Variants in STAP1 observed in about 807,000 individuals in gnomAD.
The protein encoded by STAP1 is signal transducing adaptor family member 1.
A neutral mutation model predicts 37.8 loss-of-function variants in STAP1; 30 were observed. The observed-to-expected ratio is 0.79, with a 90% CI of 0.59 to 1.08. The LOEUF (loss-of-function observed/expected upper bound fraction) is 1.08, where lower values mean the gene tolerates loss of function less well. Among genes scored for constraint, STAP1 ranks in the 50% least tolerant of loss-of-function variants. The pLI is 0.00. For synonymous variants in STAP1, 130 were observed against 116.0 expected (o/e 1.12, Z -0.78); for missense variants, 357 against 349.4 (o/e 1.02, Z -0.17).
chr4:67,559,489 T>C (rs978279729), intron 1 of STAP1, among the ~76,000 whole-genome samples: 8 of 152,116 alleles, frequency 5.3e-5, no homozygotes, highest in Non-Finnish European at 1.2e-4. Flanking sequence ...TTTTAATTTT[T>C]GGGGTACTAC....
rs993376690 is a variant in STAP1, at chr4:67,577,318, C to A, written c.363+59C>A. ...TTTTTTTCAACAAATATCTGCTGAA[C>A]ACCCTATGATCCATGCAGAGTGAAA... is the stretch of plus-strand genomic sequence containing the variant. On this transcript the variant is annotated intron_variant, in intron 4 of 8. Transcript: ENST00000265404. 11 of 1,475,680 alleles carry A rather than the reference C, an allele frequency of 7.5e-6. No homozygotes were observed. In the African/African-American group the frequency reaches 1.4e-4, roughly 19 times the overall value. 91.4% of individuals were successfully genotyped at this position (1,475,680 alleles called of 1,614,324 possible). A position where few individuals can be genotyped will look rare whatever the true frequency, so the allele number is the denominator to read the frequency against.
At chr4:67,590,712 A>G (rs538723468) in intron 6 of STAP1, among the ~76,000 whole-genome samples, 172 bp from the exon 7 acceptor site, 139 of 150,754 alleles carry the variant, frequency 9.2e-4, no homozygotes, top group Non-Finnish European at 1.7e-3. Flanking sequence ...CACTCTGCAA[A>G]CCAGGTAAAC....
intron 6 of STAP1, among the ~76,000 whole-genome samples, chr4:67,590,003 T>C (rs1369501321): frequency 6.6e-6 from 1 of 152,082 alleles, no homozygotes; most frequent in Non-Finnish European, 1.5e-5. Flanking sequence ...GGGGTCTCAT[T>C]ATGTTGCCCA....
intron 4 of STAP1, among the ~76,000 whole-genome samples, chr4:67,579,500 A>G (rs1011205179): frequency 3.3e-5 from 5 of 152,176 alleles, no homozygotes; most frequent in Non-Finnish European, 4.4e-5. Context: ...TTTGTAAAGA[A>G]AAGAGGTTTA....
Position 67,565,262 on chromosome 4 carries a change from C to T in STAP1, c.121-5822C>T, listed in dbSNP as rs190315589. On this transcript the variant is annotated intron_variant, in intron 1 of 8. Coordinates refer to ENST00000265404, the MANE Select transcript of STAP1 (RefSeq NM_012108.4). ...GTTTTTTACAGAATGGCTATCTGAT[C>T]GCAGTGCTAGTATATATTAGCAACT... is the stretch of plus-strand genomic sequence containing the variant. 9.6e-4 allele frequency among the ~76,000 whole-genome samples: 146 copies of T among 152,274 alleles called. 1 individual carries two copies. Among genetic ancestry groups the T allele is most frequent in the African/African-American group, 3.3e-3 (137 of 41,542 alleles).
At chr4:67,594,815 T>C (rs1244690341) in intron 8 of STAP1, among the ~76,000 whole-genome samples, 1 of 152,220 alleles carries the variant, frequency 6.6e-6, no homozygotes, top group African/African-American at 2.4e-5. Context: ...CATCTTTTTA[T>C]ATGTTATTTG....
chr4:67,591,838 A>T (rs1222378798), intron 7 of STAP1, among the ~76,000 whole-genome samples: 1 of 152,208 alleles, frequency 6.6e-6, no homozygotes, highest in Non-Finnish European at 1.5e-5. Context: ...GTGCCTCCCA[A>T]AGCTTCTCAG....
At chr4:67,601,314 CTA>C (rs1728337334) in intron 8 of STAP1, among the ~76,000 whole-genome samples, 1 of 152,122 alleles carries the variant, frequency 6.6e-6, no homozygotes, top group South Asian at 2.1e-4. Context: ...CTTATACTGT[CTA>C]TGTCTTGAAA....
At chr4:67,605,282 T>C (rs1407206210) in intron 8 of STAP1, among the ~76,000 whole-genome samples, 1 of 151,972 alleles carries the variant, frequency 6.6e-6, no homozygotes, top group Non-Finnish European at 1.5e-5. Flanking sequence ...GAAGGCTAAA[T>C]TTTCTCTTGG....
intron 8 of STAP1, among the ~76,000 whole-genome samples, chr4:67,602,551 T>C (rs1728366938): frequency 1.3e-5 from 2 of 152,188 alleles, no homozygotes; most frequent in African/African-American, 4.8e-5. Context: ...ACTGCAGCCA[T>C]ATATACATTA....
Position 67,600,888 on chromosome 4 carries a change from T to G in STAP1, c.827-5408T>G, listed in dbSNP as rs571196208. Among the ~76,000 whole-genome samples, 4 of 152,322 alleles carry G rather than the reference T, an allele frequency of 2.6e-5. No individual in the cohort carries two copies. In the East Asian group the frequency reaches 7.7e-4, roughly 29 times the overall value. ...CTTTATACGTGAAGTATGTTTCTTG[T>G]AGGCAACAGATCAGTGAGTCTTGTT... On this transcript the variant is annotated intron_variant, in intron 8 of 8. Coordinates refer to ENST00000265404, the MANE Select transcript of STAP1 (RefSeq NM_012108.4).
chr4:67,592,100 C>G (rs895074969), intron 7 of STAP1, among the ~76,000 whole-genome samples: 11 of 145,360 alleles, frequency 7.6e-5, no homozygotes, highest in Non-Finnish European at 1.7e-4. Context: ...TACTCCTCAA[C>G]CCCTCAGTAA....
chr4:67,560,183 G>A (rs1465134145), intron 1 of STAP1, among the ~76,000 whole-genome samples: 1 of 151,944 alleles, frequency 6.6e-6, no homozygotes, highest in East Asian at 1.9e-4. Flanking sequence ...GCTTAAAGAA[G>A]ACATGTCATT....
At chr4:67,605,035 A>T (rs1351000217) in intron 8 of STAP1, among the ~76,000 whole-genome samples, 1 of 152,132 alleles carries the variant, frequency 6.6e-6, no homozygotes, top group Non-Finnish European at 1.5e-5. Context: ...CAGAACTAGG[A>T]AATAACTCTT....
intron 8 of STAP1, among the ~76,000 whole-genome samples, chr4:67,599,404 C>G (rs578151100): frequency 6.6e-6 from 1 of 151,762 alleles, no homozygotes; most frequent in African/African-American, 2.4e-5. Flanking sequence ...TTGGCCTATT[C>G]AGGTTTTGGA....
chr4:67,605,518 T>C (rs1253081143), intron 8 of STAP1, among the ~76,000 whole-genome samples: 1 of 152,114 alleles, frequency 6.6e-6, no homozygotes. Flanking sequence ...GCATTTCAGA[T>C]GCCTTTGTTA....
At position 67,577,254 on chromosome 4, in the gene STAP1, A is replaced by G; in HGVS notation, c.358A>G (p.Thr120Ala). The G allele has an allele frequency of 6.2e-7, 1 of 1,607,430 alleles. No homozygotes were observed. Among genetic ancestry groups the G allele is most frequent in the South Asian group, 1.1e-5 (1 of 89,026 alleles). ...ATGGAGAGGCTTCATTCTTACAGTA[A>G]CAGAGGTAGGAAGCTCACTGCTTTT... ...EEWRGFILTVTELSVPQNVSL... is the reference protein window; with the variant it reads ...EEWRGFILTVAELSVPQNVSL... Residue 120 changes from threonine to alanine, a missense_variant, in exon 4 of 9, where the codon ACA (threonine) becomes GCA (alanine). By Grantham distance (58) the Thr-to-Ala change is moderately conservative (BLOSUM62 0). Transcript: ENST00000265404.
Position 67,593,274 on chromosome 4 carries a change from C to G in STAP1, c.744C>G (p.Asn248Lys), listed in dbSNP as rs369032884. The G allele has an allele frequency of 6.2e-6, 10 of 1,612,886 alleles. No individual in the cohort carries two copies. Among genetic ancestry groups the G allele is most frequent in the Non-Finnish European group, 8.5e-6 (10 of 1,179,386 alleles). Residue 248 changes from asparagine (N) to lysine (K), a missense_variant, in exon 8 of 9, where the codon AAC becomes AAG. Asn to Lys is a moderately conservative substitution (Grantham distance 94, BLOSUM62 0). Coordinates refer to ENST00000265404, the MANE Select transcript of STAP1 (RefSeq NM_012108.4). ...IELEKPVTLPNLFSVIDYFVK... is the reference protein window; with the variant it reads ...IELEKPVTLPKLFSVIDYFVK... ...TATTAATACAGGTAACACTCCCAAA[C>G]CTTTTCAGTGTCATTGATTATTTTG...
intron 1 of STAP1, among the ~76,000 whole-genome samples, chr4:67,569,995 T>C (rs1237696457): frequency 1.3e-5 from 2 of 152,060 alleles, no homozygotes. Context: ...CCTCCCAAAG[T>C]GTTGGGATTA....
Sources: allele counts gnomAD v4.1 joint callset (sites outside exome capture counted in the v4.1 genomes callset), GRCh38; gene constraint gnomAD v4.1.1; transcripts MANE v1.5; gene names NCBI Gene and HGNC (gene_info 2026-07-23, HGNC 2026-07-21).